The following NUGGC variants were observed in gnomAD, a reference collection of about 807,000 sequenced individuals.
NUGGC encodes the protein nuclear GTPase, germinal center associated.
NUGGC carries 58 observed loss-of-function variants against 92.6 expected under a neutral mutation model. The observed-to-expected ratio is 0.63, with a 90% CI of 0.51 to 0.78. The LOEUF (loss-of-function observed/expected upper bound fraction) is 0.78. Among genes scored for constraint, NUGGC ranks in the 30% least tolerant of loss-of-function variants. The pLI is 0.00. For synonymous variants in NUGGC, 376 were observed against 366.4 expected, an observed-to-expected ratio of 1.03 and a Z score of -0.30; for missense variants, 925 against 964.6, an observed-to-expected ratio of 0.96 and a Z score of 0.54.
At chr8:28,070,101 C>T in intron 3 of NUGGC, 151 bp downstream of exon 3, 1 of 1,433,258 alleles carries the variant, frequency 7.0e-7, no homozygotes, top group South Asian at 1.6e-5. Flanking sequence ...TAACTGCATA[C>T]CGCTACAGAG....
intron 10 of NUGGC, among the ~76,000 whole-genome samples, chr8:28,054,423 A>G (rs1352789070): frequency 6.6e-6 from 1 of 152,006 alleles, no homozygotes; most frequent in Non-Finnish European, 1.5e-5. Flanking sequence ...CAGAGGTTGC[A>G]GTGAGCCGAG....
intron 10 of NUGGC, among the ~76,000 whole-genome samples, chr8:28,050,368 A>G (rs1175012492): frequency 6.7e-6 from 1 of 149,932 alleles, no homozygotes; most frequent in Non-Finnish European, 1.5e-5. Context: ...CTGGGCAACA[A>G]GAACAAAACT....
intron 1 of NUGGC, among the ~76,000 whole-genome samples, chr8:28,076,514 C>G (rs1185711563): frequency 6.6e-6 from 1 of 152,196 alleles, no homozygotes; most frequent in Non-Finnish European, 1.5e-5. Flanking sequence ...CCAGGCTGGT[C>G]TTGAACTCCT....
chr8:28,027,526 G>A (rs1006729640), intron 17 of NUGGC, among the ~76,000 whole-genome samples: 1 of 152,172 alleles, frequency 6.6e-6, no homozygotes, highest in Non-Finnish European at 1.5e-5. Context: ...CCAACTGCCT[G>A]AGAAGTGTCT....
At chr8:28,050,955 T>C (rs1205763959) in intron 10 of NUGGC, among the ~76,000 whole-genome samples, 2 of 152,114 alleles carry the variant, frequency 1.3e-5, no homozygotes, top group East Asian at 3.8e-4. Flanking sequence ...CTGTCTTACT[T>C]GTATGAAATA....
At chr8:28,057,283 C>T (rs981069402) in intron 9 of NUGGC, among the ~76,000 whole-genome samples, 7 of 150,626 alleles carry the variant, frequency 4.6e-5, no homozygotes, top group African/African-American at 1.5e-4. Flanking sequence ...TTGATAAATA[C>T]GGTGCCGTAT....
chr8:28,036,809 A>T (rs941859394), intron 13 of NUGGC, among the ~76,000 whole-genome samples: 2 of 152,146 alleles, frequency 1.3e-5, no homozygotes, highest in African/African-American at 4.8e-5. Flanking sequence ...GCCATGTCTC[A>T]TCTTAACAAA....
At chr8:28,074,163 A>G (rs1256462204) in intron 2 of NUGGC, among the ~76,000 whole-genome samples, 1 of 151,286 alleles carries the variant, frequency 6.6e-6, no homozygotes, top group Non-Finnish European at 1.5e-5. Context: ...CAAACAGTTC[A>G]CTTCATTATG....
rs192505468 is a variant in NUGGC, at chr8:28,046,805, C to T, written c.1312+702G>A. ...AAGCAATTCTCCTGCCTTAGCCTCC[C>T]GAGTAGCTGGCACCACCACGTCCGG... On this transcript the variant is annotated intron_variant, in intron 11 of 18. Transcript: ENST00000413272. Among the ~76,000 whole-genome samples the T allele has an allele frequency of 9.2e-5, 14 of 151,718 alleles. No homozygotes were observed. In the East Asian group the frequency reaches 1.5e-3, roughly 17 times the overall value.
intron 16 of NUGGC, among the ~76,000 whole-genome samples, chr8:28,029,613 C>T (rs182168792): frequency 9.9e-5 from 15 of 152,018 alleles, no homozygotes; most frequent in South Asian, 6.2e-4. Context: ...AGCTGGGCAC[C>T]GTGTGCACGC....
intron 17 of NUGGC, among the ~76,000 whole-genome samples, chr8:28,028,723 C>T (rs972930786): frequency 2.0e-5 from 3 of 152,136 alleles, no homozygotes; most frequent in African/African-American, 7.2e-5. Context: ...GAACTGTCTT[C>T]GGGGGTAGAT....
intron 11 of NUGGC, 119 bp from the exon 12 acceptor site, chr8:28,045,779 T>C: frequency 9.3e-7 from 1 of 1,075,824 alleles, no homozygotes; most frequent in South Asian, 1.6e-5. Flanking sequence ...AGATCCCAAG[T>C]GGGCTGGATG....
chr8:28,075,535 G>T (rs1202290679), intron 1 of NUGGC, among the ~76,000 whole-genome samples: 1 of 152,238 alleles, frequency 6.6e-6, no homozygotes, highest in East Asian at 1.9e-4. Context: ...CACCCAAGGT[G>T]CTTACTTGCC....
chr8:28,074,998 A>G (rs1810685166), intron 1 of NUGGC, among the ~76,000 whole-genome samples: 1 of 152,132 alleles, frequency 6.6e-6, no homozygotes, highest in Non-Finnish European at 1.5e-5. Flanking sequence ...CTCACGCTGA[A>G]ATGAGAATAA....
intron 10 of NUGGC, among the ~76,000 whole-genome samples, chr8:28,055,764 C>A (rs111232211): frequency 6.6e-6 from 1 of 152,162 alleles, no homozygotes; most frequent in Non-Finnish European, 1.5e-5. Context: ...GCCTGGGAGG[C>A]AGAGGTTGCA....
intron 1 of NUGGC, among the ~76,000 whole-genome samples, chr8:28,076,484 A>T (rs781358001): frequency 1.4e-4 from 22 of 152,190 alleles, no homozygotes; most frequent in Admixed American, 6.5e-4. Context: ...TTTAGTAGAG[A>T]TGGGGTTTCA....
intron 18 of NUGGC, 78 bp from the exon 19 acceptor site, chr8:28,023,540 A>C: frequency 2.2e-6 from 3 of 1,376,414 alleles, no homozygotes; most frequent in East Asian, 2.3e-5. Context: ...TCCCCCAACA[A>C]TCCTGTCACT....
Position 28,067,678 on chromosome 8 carries a change from C to A in NUGGC, c.547G>T (p.Glu183Ter), listed in dbSNP as rs1475777988. 1.2e-6 allele frequency: 2 copies of A among 1,614,038 alleles called. No individual in the cohort carries two copies. Among genetic ancestry groups the A allele is most frequent in the Admixed American group, 3.3e-5 (2 of 60,028 alleles). Residue 183 changes from glutamate to a stop codon, truncating the protein, a stop_gained, in exon 6 of 19, where the codon GAG becomes TAG. Transcript: ENST00000413272. LOFTEE classifies it high-confidence loss of function. ...LHRTEELSREEADAWNRDEAV... is the reference protein window; with the variant it reads ...LHRTEELSRE ...TCATCCCTGTTCCACGCATCTGCCT[C>A]TTCTCTGCTCAGCTCCTCCGTCCTA...
intron 6 of NUGGC, among the ~76,000 whole-genome samples, chr8:28,065,301 G>A (rs1171672572): frequency 6.6e-6 from 1 of 151,862 alleles, no homozygotes; most frequent in Non-Finnish European, 1.5e-5. Flanking sequence ...TGGGACTACA[G>A]GCACCCGCAA....
Sources: gnomAD v4.1 joint callset for allele counts (sites outside exome capture counted in the v4.1 genomes callset) on GRCh38, gnomAD v4.1.1 for gene constraint, MANE v1.5 for transcripts, NCBI Gene and HGNC (gene_info 2026-07-23, HGNC 2026-07-21) for gene names.